The following USP6 variants were observed in gnomAD, a reference collection of about 807,000 sequenced individuals.
USP6 encodes the protein ubiquitin specific peptidase 6.
In USP6, 128 loss-of-function variants were observed where a neutral mutation model predicts 175.7. The observed-to-expected ratio is 0.73, with a 90% CI of 0.63 to 0.84. The LOEUF is 0.84. USP6 is among the 40% of genes least tolerant of loss of function. The pLI, the probability that USP6 is intolerant of heterozygous loss-of-function variation, is 0.00. For missense variants in USP6, 1,498 were observed against 1,760.3 expected, an observed-to-expected ratio of 0.85 and a Z score of 2.67; for synonymous variants, 562 against 630.6, an observed-to-expected ratio of 0.89 and a Z score of 1.63.
At chr17:5,154,482 C>T (rs547270284) in intron 30 of USP6, among the ~76,000 whole-genome samples, 1 of 152,280 alleles carries the variant, frequency 6.6e-6, no homozygotes, top group South Asian at 2.1e-4. Context: ...ATAAATGTCT[C>T]TTTAACATAC....
Position 5,139,064 on chromosome 17 carries a change from C to T in USP6, c.1079-191C>T, listed in dbSNP as rs767492166. On this transcript the variant is annotated intron_variant, in intron 21 of 37. Coordinates refer to ENST00000574788, the MANE Select transcript of USP6 (RefSeq NM_001304284.2). The stretch of plus-strand genomic sequence containing the variant: ...CCAGGAGCCACCCACCATGCCCCAA[C>T]GGCTTCCCCATGCCAGGCAGCACAC... 3.1e-5 allele frequency: 49 copies of T among 1,589,470 alleles called. 1 individual carries two copies. The South Asian group carries it at 4.1e-4, about 13-fold the overall frequency.
chr17:5,117,110 C>T (rs2072555371), intron 1 of USP6, among the ~76,000 whole-genome samples: 2 of 152,232 alleles, frequency 1.3e-5, no homozygotes, highest in African/African-American at 4.8e-5. Flanking sequence ...ATGGTTGCAA[C>T]TTTATTAATG....
Position 5,139,715 on chromosome 17 carries a change from T to C in USP6, c.1498+41T>C, listed in dbSNP as rs145346851. The C allele has an allele frequency of 4.8e-3, 7,678 of 1,599,740 alleles. 428 individuals are homozygous for C. The Admixed American group carries it at 0.1, about 22-fold the overall frequency. ...ACTGCACTGAGCCACAATGTGGGCA[T>C]GGACTTCCCGGCCCTGCAGTGCACC... On this transcript the variant is annotated intron_variant, in intron 22 of 37. Transcript: ENST00000574788.
At chr17:5,139,778 A>C in intron 22 of USP6, 104 bp downstream of exon 22, 1 of 1,595,552 alleles carries the variant, frequency 6.3e-7, no homozygotes, top group South Asian at 1.1e-5. Context: ...CTTTGCAGCT[A>C]GGGACGAGCA....
chr17:5,169,892 T>C (rs1426727881), intron 35 of USP6, among the ~76,000 whole-genome samples: 1 of 152,268 alleles, frequency 6.6e-6, no homozygotes, highest in African/African-American at 2.4e-5. Flanking sequence ...ACTTTTTCAT[T>C]CCTCAGTTTT....
rs182165895 is a variant in USP6 at position 5,116,923 on chromosome 17, G to A, written c.-1928+183G>A. On this transcript the variant is annotated intron_variant, in intron 1 of 37. Transcript: ENST00000574788. ...AGGTACGGAGGGAGCAATCTTCACA[G>A]AGGGAACAGCTCGTGGAAAGGCCAC... is the stretch of plus-strand genomic sequence containing the variant. 5.4e-4 allele frequency among the ~76,000 whole-genome samples: 83 copies of A among 152,318 alleles called. 1 individual carries two copies. Among genetic ancestry groups the A allele is most frequent in the African/African-American group, 1.9e-3 (78 of 41,570 alleles).
At chr17:5,141,537 A>T (rs1242352733) in intron 23 of USP6, 38 bp downstream of exon 23, 1 of 1,519,956 alleles carries the variant, frequency 6.6e-7, no homozygotes, top group Admixed American at 2.1e-5. Context: ...AGATTATTTT[A>T]AATGTATTTT....
chr17:5,119,965 C>G (rs753434322), intron 2 of USP6, among the ~76,000 whole-genome samples: 2 of 152,072 alleles, frequency 1.3e-5, no homozygotes, highest in African/African-American at 2.4e-5. Context: ...CTCTCCTTTC[C>G]AGAAGGTTCT....
At chr17:5,136,234 GC>G (rs1169831376) in intron 17 of USP6, among the ~76,000 whole-genome samples, 1 of 152,204 alleles carries the variant, frequency 6.6e-6, no homozygotes, top group African/African-American at 2.4e-5. Context: ...GGGTCCTCCT[GC>G]CCTCCAGCTG....
chr17:5,169,580 T>TA (rs1259651655), intron 35 of USP6, among the ~76,000 whole-genome samples: 5 of 152,182 alleles, frequency 3.3e-5, no homozygotes, highest in African/African-American at 1.2e-4. Flanking sequence ...TAGCTGGGAC[T>TA]ACAGGCATGC....
chr17:5,152,897 G>A (rs2073804488), intron 30 of USP6, among the ~76,000 whole-genome samples: 1 of 152,170 alleles, frequency 6.6e-6, no homozygotes. Context: ...TCAGGAGGCT[G>A]AGGCAAGAGA....
At position 5,136,708 on chromosome 17, in the gene USP6, T is replaced by C. The variant is rs1248833057; in HGVS notation, c.733T>C (p.Ser245Pro). 6.2e-7 allele frequency: 1 copy of C among 1,612,248 alleles called. No individual in the cohort carries two copies. Among genetic ancestry groups the C allele is most frequent in the Admixed American group, 1.7e-5 (1 of 60,008 alleles). ...CCAACAGGAGCATGTGGTACCCAAG[T>C]CACAACCCAAGACCATGTGGCATCA... ...QDQQEHVVPK[S>P]QPKTMWHQDK... The change falls in exon 18 of 38, where the codon TCA becomes CCA. Residue 245 changes from serine (S) to proline (P), a missense_variant. Ser to Pro is a moderately conservative substitution (Grantham distance 74). Transcript: ENST00000574788.
intron 1 of USP6, among the ~76,000 whole-genome samples, chr17:5,117,969 T>G (rs2072571693): frequency 6.6e-6 from 1 of 151,324 alleles, no homozygotes; most frequent in South Asian, 2.1e-4. Context: ...CTCAGGAGGC[T>G]GAGGCAGGAG....
Position 5,135,233 on chromosome 17 carries a change from G to A in USP6, c.495-1G>A. 1 of 1,612,734 alleles carries A rather than the reference G, an allele frequency of 6.2e-7. No individual in the cohort carries two copies. The highest frequency in any genetic ancestry group is 8.5e-7 in the Non-Finnish European group (1 of 1,179,030). On this transcript the variant is annotated splice_acceptor_variant, in intron 15 of 37. Coordinates refer to ENST00000574788, the MANE Select transcript of USP6 (RefSeq NM_001304284.2). LOFTEE classifies it high-confidence loss of function. ...CATAGCCCCCTTTCTGTGTTTCCTA[G>A]GCAGAGGGAACTATTCTACATCCTC...
rs1437349437 is a variant in USP6 at position 5,116,220 on chromosome 17, C to G, written c.-2448C>G. ...GGCCGCGGGCAGCGCTCGAGACGCT[C>G]ATTGAGAGGACTTCCCGCCTGCGGG... On this transcript the variant is annotated 5_prime_UTR_variant, in exon 1 of 38. It introduces an in-frame stop codon into an upstream open reading frame of the 5' UTR. Coordinates refer to ENST00000574788, the MANE Select transcript of USP6 (RefSeq NM_001304284.2). 1.3e-5 allele frequency among the ~76,000 whole-genome samples: 2 copies of G among 151,510 alleles called. No homozygotes were observed. Among genetic ancestry groups the G allele is most frequent in the African/African-American group, 4.8e-5 (2 of 41,388 alleles).
rs1320760574 is a variant in USP6, at chr17:5,174,695, A to G, written c.*1717A>G. On this transcript the variant is annotated 3_prime_UTR_variant, in exon 38 of 38. Transcript: ENST00000574788. ...TTTATTTAAACAGGTAGCACAATCTACTAATGTTGTGTGATTTGTGTTATA... is the reference window on the plus strand; with the variant it reads ...TTTATTTAAACAGGTAGCACAATCTGCTAATGTTGTGTGATTTGTGTTATA... 5.0e-6 allele frequency: 1 copy of G among 201,862 alleles called. No individual in the cohort carries two copies. The highest frequency in any genetic ancestry group is 1.0e-5 in the Non-Finnish European group (1 of 97,962). 12.5% of individuals were successfully genotyped at this position (201,862 alleles called of 1,614,324 possible).
rs140672260 is a variant in USP6 at position 5,144,848 on chromosome 17, G to A, written c.1977G>A (p.Trp659Ter). 6.2e-7 allele frequency: 1 copy of A among 1,600,322 alleles called. No homozygotes were observed. The highest frequency in any genetic ancestry group is 8.5e-7 in the Non-Finnish European group (1 of 1,169,698). Residue 659 changes from tryptophan (W) to a stop codon, truncating the protein, a stop_gained, in exon 26 of 38, where the codon TGG (tryptophan) becomes TGA (stop). Coordinates refer to ENST00000574788, the MANE Select transcript of USP6 (RefSeq NM_001304284.2). LOFTEE classifies it high-confidence loss of function. ...AGGACAGTGATGGCCGACCAGACTGGGAAGTAGCTGCAGAGGTTTGTCAGT... is the reference window on the plus strand; with the variant it reads ...AGGACAGTGATGGCCGACCAGACTGAGAAGTAGCTGCAGAGGTTTGTCAGT... The part of the protein sequence containing the change: ...ELKDSDGRPD[W>*]EVAAEAWDNH...
chr17:5,122,268 G>C (rs2072699275), intron 4 of USP6, among the ~76,000 whole-genome samples: 1 of 152,112 alleles, frequency 6.6e-6, no homozygotes, highest in Admixed American at 6.5e-5. Flanking sequence ...AGTGTGGGGT[G>C]AACACATGAA....
At position 5,147,133 on chromosome 17, in the gene USP6, G is replaced by A. The variant is rs773123241; in HGVS notation, c.2370G>A (p.Leu790=). 4 of 1,613,620 alleles carry A rather than the reference G, an allele frequency of 2.5e-6. No homozygotes were observed. The South Asian group carries it at 3.3e-5, about 13-fold the overall frequency. The part of the protein sequence containing the change: ...QKVQLSVSGF[L]CAFEIPVPSS... ...TACAACTCTCAGTGAGCGGATTTTT[G>A]TGTGCATTTGAAATTCCTGTCCCTT... is the stretch of plus-strand genomic sequence containing the variant. Residue 790 remains leucine (L), a synonymous_variant, in exon 29 of 38, where the codon TTG becomes TTA. Transcript: ENST00000574788.
Sources: allele counts gnomAD v4.1 joint callset (sites outside exome capture counted in the v4.1 genomes callset), GRCh38; gene constraint gnomAD v4.1.1; transcripts MANE v1.5; gene names NCBI Gene and HGNC (gene_info 2026-07-23, HGNC 2026-07-21).